THRB: variants seen among roughly 807,000 people sequenced by gnomAD.
The protein encoded by THRB is thyroid hormone receptor beta, also known as nuclear receptor subfamily 1 group A member 2.
THRB carries 12 observed loss-of-function variants against 47.8 expected under a neutral mutation model. The observed-to-expected ratio is 0.25, with a 90% CI of 0.16 to 0.41. The LOEUF is 0.41. THRB is among the 10% of genes least tolerant of loss of function. THRB has a pLI of 1.00. For missense variants in THRB, 348 were observed against 589.2 expected (o/e 0.59, Z 4.24); for synonymous variants, 218 against 212.2 (o/e 1.03, Z -0.24).
At chr3:24,297,165 A>C (rs1375297420) in intron 3 of THRB, 61 bp downstream of exon 3, 1 of 152,190 alleles carries the variant, frequency 6.6e-6, no homozygotes, top group South Asian at 2.1e-4. Context: ...AGGAAGCATA[A>C]ATTTTTCCAT....
intron 1 of THRB, among the ~76,000 whole-genome samples, chr3:24,340,177 T>C (rs1397818817): frequency 6.6e-6 from 1 of 152,240 alleles, no homozygotes; most frequent in Non-Finnish European, 1.5e-5. Context: ...GCCTGTTTTT[T>C]GACAGTAACT....
At chr3:24,329,089 G>C (rs757349600) in intron 2 of THRB, among the ~76,000 whole-genome samples, 1 of 152,048 alleles carries the variant, frequency 6.6e-6, no homozygotes, top group Non-Finnish European at 1.5e-5. Context: ...TGGGACTACA[G>C]GCATGCACCA....
chr3:24,312,701 T>C (rs938231567), intron 2 of THRB, among the ~76,000 whole-genome samples: 7 of 152,112 alleles, frequency 4.6e-5, no homozygotes, highest in Non-Finnish European at 4.4e-5. Context: ...GGCTCAGCCA[T>C]GGTGAGTGAG....
intron 1 of THRB, among the ~76,000 whole-genome samples, chr3:24,409,006 T>C (rs1438540024): frequency 1.3e-5 from 2 of 151,850 alleles, no homozygotes; most frequent in Admixed American, 6.6e-5. Context: ...TTCATTCTTA[T>C]GGTTTATGAG....
At chr3:24,182,674 C>T (rs1370613828) in intron 5 of THRB, among the ~76,000 whole-genome samples, 1 of 152,202 alleles carries the variant, frequency 6.6e-6, no homozygotes, top group African/African-American at 2.4e-5. Context: ...GAGCTTGTTT[C>T]TTTCCACAAT....
chr3:24,232,781 G>C (rs893980586), intron 3 of THRB, among the ~76,000 whole-genome samples: 2 of 152,168 alleles, frequency 1.3e-5, no homozygotes, highest in Non-Finnish European at 2.9e-5. Context: ...TGGTGGAGAT[G>C]GTGAGAGGGC....
intron 1 of THRB, among the ~76,000 whole-genome samples, chr3:24,433,175 T>A (rs1416105689): frequency 6.6e-6 from 1 of 152,082 alleles, no homozygotes; most frequent in Non-Finnish European, 1.5e-5. Context: ...ACAATACCTA[T>A]CTGTAGTGGG....
At chr3:24,493,213 C>T (rs1254133752) in intron 1 of THRB, among the ~76,000 whole-genome samples, 1 of 152,192 alleles carries the variant, frequency 6.6e-6, no homozygotes, top group Non-Finnish European at 1.5e-5. Flanking sequence ...TAGCCTCTGA[C>T]TGATTTCGGA....
At chr3:24,149,144 G>T (rs2036529481) in intron 6 of THRB, among the ~76,000 whole-genome samples, 1 of 152,078 alleles carries the variant, frequency 6.6e-6, no homozygotes, top group African/African-American at 2.4e-5. Context: ...GCTACCCTCT[G>T]ACCAAGGAGG....
intron 3 of THRB, among the ~76,000 whole-genome samples, chr3:24,286,641 G>A (rs1022159009): frequency 3.3e-5 from 5 of 152,190 alleles, no homozygotes; most frequent in South Asian, 2.1e-4. Flanking sequence ...ATTCAAGCTC[G>A]ACGCATTTCA....
At chr3:24,395,365 A>C (rs577002029) in intron 1 of THRB, among the ~76,000 whole-genome samples, 1 of 152,258 alleles carries the variant, frequency 6.6e-6, no homozygotes, top group African/African-American at 2.4e-5. Flanking sequence ...TGAAAATCAT[A>C]TATCTTATAA....
intron 1 of THRB, among the ~76,000 whole-genome samples, chr3:24,492,182 C>T (rs1698247233): frequency 6.6e-6 from 1 of 152,134 alleles, no homozygotes; most frequent in African/African-American, 2.4e-5. Flanking sequence ...AAGAGTTATC[C>T]AGCACCTACT....
At chr3:24,297,867 A>G (rs1489860567) in intron 2 of THRB, among the ~76,000 whole-genome samples, 1 of 152,164 alleles carries the variant, frequency 6.6e-6, no homozygotes, top group Non-Finnish European at 1.5e-5. Context: ...GGTGATTCCA[A>G]CTTGTAGCAC....
At chr3:24,488,005 G>A (rs1172920000) in intron 1 of THRB, among the ~76,000 whole-genome samples, 1 of 152,166 alleles carries the variant, frequency 6.6e-6, no homozygotes, top group Non-Finnish European at 1.5e-5. Context: ...TGTCACAAGA[G>A]TTACAATACT....
chr3:24,427,974 G>T (rs1025394006), intron 1 of THRB, among the ~76,000 whole-genome samples: 10 of 151,966 alleles, frequency 6.6e-5, no homozygotes, highest in African/African-American at 2.4e-4. Flanking sequence ...AGGAAGGTTT[G>T]CATACTTGCT....
chr3:24,270,618 G>GA (rs1183897931), intron 3 of THRB, among the ~76,000 whole-genome samples: 4 of 152,202 alleles, frequency 2.6e-5, no homozygotes. Flanking sequence ...CAAGGGTCTT[G>GA]AAAAGACAGC....
intron 1 of THRB, among the ~76,000 whole-genome samples, chr3:24,383,100 A>G (rs1041492688): frequency 6.6e-6 from 1 of 152,186 alleles, no homozygotes; most frequent in African/African-American, 2.4e-5. Flanking sequence ...TTATAATTAT[A>G]CATTTACTTG....
chr3:24,381,345 A>G (rs1424480568), intron 1 of THRB, among the ~76,000 whole-genome samples: 3 of 152,120 alleles, frequency 2.0e-5, no homozygotes, highest in Non-Finnish European at 4.4e-5. Context: ...CACTTCTAGG[A>G]GAGTTGAACA....
At chr3:24,353,213 C>T (rs1276760582) in intron 1 of THRB, among the ~76,000 whole-genome samples, 1 of 151,266 alleles carries the variant, frequency 6.6e-6, no homozygotes, top group East Asian at 1.9e-4. Flanking sequence ...ATATTTTTTT[C>T]ATGTGGGATG....
Sources: allele counts gnomAD v4.1 joint callset (sites outside exome capture counted in the v4.1 genomes callset), GRCh38; gene constraint gnomAD v4.1.1; transcripts MANE v1.5; gene names NCBI Gene and HGNC (gene_info 2026-07-23, HGNC 2026-07-21).